Variants in HDAC9 observed in about 807,000 individuals in gnomAD.
HDAC9 encodes the protein MEF-2 interacting transcription repressor (MITR) protein.
Under a neutral mutation model 139.4 loss-of-function variants are expected in HDAC9, and 41 were observed. That is an observed-to-expected ratio of 0.29 (90% CI 0.23 to 0.38). HDAC9 has a LOEUF of 0.38. HDAC9 is among the 10% of genes least tolerant of loss of function. The probability of loss-of-function intolerance (pLI) is 1.00; values close to 1 mark genes in which losing one functional copy is unlikely to be tolerated. For missense variants in HDAC9, 1,147 were observed against 1,297.0 expected (o/e 0.88, Z 1.78); for synonymous variants, 517 against 476.2 (o/e 1.09, Z -1.12).
intron 2 of HDAC9, among the ~76,000 whole-genome samples, chr7:18,548,229 C>T (rs753600143): frequency 1.3e-5 from 2 of 151,980 alleles, no homozygotes; most frequent in Non-Finnish European, 1.5e-5. Flanking sequence ...AGATTAAGTT[C>T]GCCGTCTTAT....
chr7:18,870,577 T>A (rs955134694), intron 21 of HDAC9, among the ~76,000 whole-genome samples: 1 of 152,164 alleles, frequency 6.6e-6, no homozygotes, highest in Non-Finnish European at 1.5e-5. Context: ...TCTGTTATTT[T>A]CCTTTTTAGT....
Position 18,836,936 on chromosome 7 carries a change from C to T in HDAC9, c.2684+939C>T, listed in dbSNP as rs186522044. Among the ~76,000 whole-genome samples, 61 of 151,938 alleles carry T rather than the reference C, an allele frequency of 4.0e-4. 1 individual carries two copies. In the East Asian group the frequency reaches 8.5e-3, roughly 21 times the overall value. ...TTGAAATTTGCCATTTATAAGTTCC[C>T]ATGAAGAAAATCCTGTTGATACCCT... On this transcript the variant is annotated intron_variant, in intron 21 of 25. Transcript: ENST00000686413.
At chr7:18,114,893 C>T (rs1039515772) in intron 1 of HDAC9, among the ~76,000 whole-genome samples, 4 of 152,128 alleles carry the variant, frequency 2.6e-5, no homozygotes, top group South Asian at 2.1e-4. Context: ...TTAGCCTCTT[C>T]GCAGCTAAAA....
chr7:18,914,316 C>A (rs889749076), intron 22 of HDAC9, among the ~76,000 whole-genome samples: 14 of 151,534 alleles, frequency 9.2e-5, no homozygotes, highest in African/African-American at 3.4e-4. Flanking sequence ...TTACAGCAGC[C>A]CAGACAGACG....
chr7:18,905,006 C>G (rs1262624553), intron 22 of HDAC9, among the ~76,000 whole-genome samples: 1 of 152,126 alleles, frequency 6.6e-6, no homozygotes, highest in Non-Finnish European at 1.5e-5. Flanking sequence ...TCAAGGGATT[C>G]TACTGCTTTA....
intron 1 of HDAC9, among the ~76,000 whole-genome samples, chr7:18,101,722 T>C (rs1782874395): frequency 6.6e-6 from 1 of 152,232 alleles, no homozygotes; most frequent in Admixed American, 6.5e-5. Flanking sequence ...GCTTGATGCT[T>C]TTATCACTGT....
At chr7:18,929,832 G>T (rs149553413) in intron 22 of HDAC9, among the ~76,000 whole-genome samples, 1 of 151,920 alleles carries the variant, frequency 6.6e-6, no homozygotes, top group African/African-American at 2.4e-5. Context: ...CCAGCTACTC[G>T]GGAGGCTGAG....
In HDAC9 at chr7:18,204,775, A is replaced by G. The variant is rs550746477; in HGVS notation, c.25+42426A>G. On this transcript the variant is annotated intron_variant, in intron 2 of 12. Coordinates refer to the HDAC9 transcript ENST00000417496. ...TTCTGTCAGATTGTTTATCCCCTGT[A>G]TGTAACATACAAATCAACATTTTAT... 1.8e-4 allele frequency among the ~76,000 whole-genome samples: 27 copies of G among 152,068 alleles called. No homozygotes were observed. In the Middle Eastern group the frequency reaches 0.01, roughly 57 times the overall value.
chr7:18,238,737 G>A (rs1793993513), intron 2 of HDAC9, among the ~76,000 whole-genome samples: 1 of 152,184 alleles, frequency 6.6e-6, no homozygotes, highest in Non-Finnish European at 1.5e-5. Flanking sequence ...ACAAAGATGA[G>A]TGAGCTGATG....
chr7:18,880,876 A>G (rs10228341), intron 22 of HDAC9, among the ~76,000 whole-genome samples: 10,487 of 151,562 alleles, frequency 0.069, 934 homozygotes, highest in African/African-American at 0.2. Flanking sequence ...AAAGCTTAGC[A>G]TCTTGAATTA....
At chr7:18,449,279 A>G (rs1792577060) in intron 1 of HDAC9, among the ~76,000 whole-genome samples, 1 of 152,210 alleles carries the variant, frequency 6.6e-6, no homozygotes, top group African/African-American at 2.4e-5. Context: ...ATGGAACACC[A>G]TACAGCAATG....
chr7:18,120,722 A>T (rs1267976321), intron 1 of HDAC9, among the ~76,000 whole-genome samples: 1 of 152,190 alleles, frequency 6.6e-6, no homozygotes, highest in African/African-American at 2.4e-5. Flanking sequence ...GTGAAATACA[A>T]AGTGTATATT....
At chr7:18,654,525 A>G (rs1790435693) in intron 11 of HDAC9, among the ~76,000 whole-genome samples, 1 of 152,128 alleles carries the variant, frequency 6.6e-6, no homozygotes, top group Non-Finnish European at 1.5e-5. Flanking sequence ...GGGCTGAAGT[A>G]GATTGAGCAA....
At chr7:18,153,951 C>G (rs1252207384) in intron 1 of HDAC9, among the ~76,000 whole-genome samples, 1 of 152,168 alleles carries the variant, frequency 6.6e-6, no homozygotes, top group Non-Finnish European at 1.5e-5. Flanking sequence ...GTATGGACTG[C>G]TAGCAACAGG....
At chr7:18,731,505 C>T (rs1322325919) in intron 13 of HDAC9, among the ~76,000 whole-genome samples, 1 of 152,042 alleles carries the variant, frequency 6.6e-6, no homozygotes, top group Non-Finnish European at 1.5e-5. Context: ...CCCTTTTTGA[C>T]AAGAACAAAA....
chr7:18,698,872 C>T (rs1302100073), intron 12 of HDAC9, among the ~76,000 whole-genome samples: 1 of 152,046 alleles, frequency 6.6e-6, no homozygotes, highest in African/African-American at 2.4e-5. Flanking sequence ...ATTTTGTTTG[C>T]AAAATATTTT....
At chr7:18,272,593 G>A (rs924629434) in intron 2 of HDAC9, among the ~76,000 whole-genome samples, 8 of 152,044 alleles carry the variant, frequency 5.3e-5, no homozygotes, top group Non-Finnish European at 7.4e-5. Context: ...AAGAAACCTC[G>A]AAGTAGGCCT....
chr7:18,793,920 TAATGA>T (rs1792554382), intron 17 of HDAC9, among the ~76,000 whole-genome samples: 1 of 152,104 alleles, frequency 6.6e-6, no homozygotes, highest in South Asian at 2.1e-4. Context: ...ATTAGAAGGG[TAATGA>T]TCCAGAGTGT....
chr7:18,863,779 A>G (rs1379192986), intron 21 of HDAC9, among the ~76,000 whole-genome samples: 1 of 152,198 alleles, frequency 6.6e-6, no homozygotes, highest in East Asian at 1.9e-4. Flanking sequence ...AGGCGTGGGA[A>G]GGGTTGTCAG....
Sources: allele counts gnomAD v4.1 joint callset (sites outside exome capture counted in the v4.1 genomes callset), GRCh38; gene constraint gnomAD v4.1.1; transcripts MANE v1.5; gene names NCBI Gene and HGNC (gene_info 2026-07-23, HGNC 2026-07-21).